The following PREP variants were observed in gnomAD, a reference collection of about 807,000 sequenced individuals.
The protein encoded by PREP is dJ355L5.1 (prolyl endopeptidase).
A neutral mutation model predicts 87.6 loss-of-function variants in PREP; 29 were observed. That is an observed-to-expected ratio of 0.33 (90% CI 0.25 to 0.45). The LOEUF (loss-of-function observed/expected upper bound fraction) is 0.45. Among genes scored for constraint, PREP ranks in the 20% least tolerant of loss-of-function variants. PREP has a pLI of 1.00. For missense variants in PREP, 695 were observed against 886.5 expected, an observed-to-expected ratio of 0.78 and a Z score of 2.74; for synonymous variants, 337 against 328.6, an observed-to-expected ratio of 1.03 and a Z score of -0.28.
intron 6 of PREP, among the ~76,000 whole-genome samples, chr6:105,355,420 C>T (rs1175979789): frequency 6.6e-6 from 1 of 152,182 alleles, no homozygotes; most frequent in Non-Finnish European, 1.5e-5. Flanking sequence ...AAGAAGGCAT[C>T]TTTCCACTGT....
chr6:105,293,862 A>T (rs1029235327), intron 10 of PREP, among the ~76,000 whole-genome samples: 3 of 152,228 alleles, frequency 2.0e-5, no homozygotes, highest in Admixed American at 2.0e-4. Flanking sequence ...CGAAACAGCC[A>T]TTCAAAACAG....
chr6:105,308,857 G>A (rs1562194419), intron 10 of PREP, among the ~76,000 whole-genome samples: 1 of 152,150 alleles, frequency 6.6e-6, no homozygotes, highest in Admixed American at 6.5e-5. Flanking sequence ...TCTAATGTCA[G>A]CTGGTGATGA....
chr6:105,364,143 G>T (rs1185051610), intron 6 of PREP, among the ~76,000 whole-genome samples: 2 of 152,186 alleles, frequency 1.3e-5, no homozygotes, highest in East Asian at 3.9e-4. Flanking sequence ...ACTTGAGCTG[G>T]GTAGAGGGCG....
rs1772296722 is a variant in PREP at position 105,363,108 on chromosome 6, G to C, written c.717+5795C>G. ...GTTCACAGGTGAACATATAAAAATGGCTTATGGAGACACAACAGATACTAA... is the reference window on the plus strand; with the variant it reads ...GTTCACAGGTGAACATATAAAAATGCCTTATGGAGACACAACAGATACTAA... On this transcript the variant is annotated intron_variant, in intron 6 of 14. Transcript: ENST00000652536. Among the ~76,000 whole-genome samples the C allele has an allele frequency of 3.3e-5, 5 of 152,110 alleles. No homozygotes were observed. The South Asian group carries it at 1.0e-3, about 32-fold the overall frequency.
chr6:105,317,131 A>AT (rs908590754), intron 10 of PREP, among the ~76,000 whole-genome samples: 17 of 151,578 alleles, frequency 1.1e-4, no homozygotes, highest in African/African-American at 3.9e-4. Flanking sequence ...AAATATATAT[A>AT]TTTTTTTGTA....
At chr6:105,362,905 T>TAG (rs1772291414) in intron 6 of PREP, among the ~76,000 whole-genome samples, 1 of 152,164 alleles carries the variant, frequency 6.6e-6, no homozygotes, top group Admixed American at 6.5e-5. Context: ...CCACTGGACT[T>TAG]TTCTGTGTCT....
At chr6:105,340,175 C>T (rs1771601535) in intron 7 of PREP, among the ~76,000 whole-genome samples, 1 of 152,178 alleles carries the variant, frequency 6.6e-6, no homozygotes, top group Non-Finnish European at 1.5e-5. Context: ...GGAAGCCCAT[C>T]AGACTAAAAG....
chr6:105,379,691 GGGTA>G (rs1345250131), intron 2 of PREP, among the ~76,000 whole-genome samples: 3 of 152,302 alleles, frequency 2.0e-5, no homozygotes, highest in Non-Finnish European at 2.9e-5. Flanking sequence ...GGGCTGTGCT[GGGTA>G]GGAACATCAG....
chr6:105,282,337 T>A, intron 13 of PREP, 114 bp downstream of exon 13: 3 of 1,306,970 alleles, frequency 2.3e-6, no homozygotes, highest in Non-Finnish European at 3.2e-6. Flanking sequence ...GCTCTCCTTA[T>A]ACCACTTTGT....
intron 9 of PREP, among the ~76,000 whole-genome samples, chr6:105,327,135 A>C (rs1430450391): frequency 2.0e-5 from 3 of 152,174 alleles, no homozygotes; most frequent in East Asian, 3.8e-4. Flanking sequence ...TTATCCATTT[A>C]AACTATTTAA....
intron 10 of PREP, among the ~76,000 whole-genome samples, chr6:105,321,419 G>A (rs1771003794): frequency 6.6e-6 from 1 of 152,230 alleles, no homozygotes; most frequent in South Asian, 2.1e-4. Flanking sequence ...CAGTGCCACA[G>A]GCACCTGGCA....
intron 4 of PREP, among the ~76,000 whole-genome samples, chr6:105,374,165 A>C (rs1483947164): frequency 1.3e-5 from 2 of 152,180 alleles, no homozygotes; most frequent in African/African-American, 4.8e-5. Flanking sequence ...AGGCGCCCGG[A>C]GTGCACATTC....
At chr6:105,283,984 AG>A (rs377621104) in intron 12 of PREP, among the ~76,000 whole-genome samples, 136 of 152,298 alleles carry the variant, frequency 8.9e-4, no homozygotes, top group African/African-American at 3.2e-3. Flanking sequence ...GACCATGAGT[AG>A]GGGGTATGGT....
intron 10 of PREP, chr6:105,322,983 G>A: frequency 7.7e-7 from 1 of 1,301,038 alleles, no homozygotes; most frequent in Non-Finnish European, 1.0e-6. Flanking sequence ...AGCCCTCCAG[G>A]TGGGAGGGGC....
chr6:105,387,310 C>A (rs1015528307), intron 2 of PREP, among the ~76,000 whole-genome samples: 2 of 152,066 alleles, frequency 1.3e-5, no homozygotes, highest in African/African-American at 4.8e-5. Flanking sequence ...CCAAAAATAC[C>A]GTATCTGATG....
chr6:105,342,700 T>C (rs1242839634), intron 7 of PREP, among the ~76,000 whole-genome samples: 1 of 152,072 alleles, frequency 6.6e-6, no homozygotes, highest in African/African-American at 2.4e-5. Context: ...GGATACAAAG[T>C]CAGTGTGCAA....
chr6:105,392,780 T>A (rs1477052478), intron 2 of PREP, among the ~76,000 whole-genome samples: 4 of 152,176 alleles, frequency 2.6e-5, no homozygotes, highest in African/African-American at 9.6e-5. Context: ...TTTTGTCATG[T>A]TGGCTAGGCT....
Position 105,276,542 on chromosome 6 carries a change from G to C in PREP, c.*1602C>G, listed in dbSNP as rs1329287981. ...TCTTTCTTTCCTGCCATGCTGGTCA[G>C]CAGTTACACCAAAGCTAGCTAGTAT... On this transcript the variant is annotated 3_prime_UTR_variant, in exon 15 of 15. Coordinates refer to ENST00000652536, the MANE Select transcript of PREP (RefSeq NM_002726.5). 1.3e-5 allele frequency among the ~76,000 whole-genome samples: 2 copies of C among 152,224 alleles called. No homozygotes were observed. The highest frequency in any genetic ancestry group is 2.9e-5 in the Non-Finnish European group (2 of 68,044).
At chr6:105,377,607 C>T in intron 2 of PREP, 88 bp from the exon 3 acceptor site, 1 of 1,402,354 alleles carries the variant, frequency 7.1e-7, no homozygotes. Flanking sequence ...AGAAAAAGCA[C>T]ACTTTGTCTC....
Sources: gnomAD v4.1 joint callset for allele counts (sites outside exome capture counted in the v4.1 genomes callset) on GRCh38, gnomAD v4.1.1 for gene constraint, MANE v1.5 for transcripts, NCBI Gene and HGNC (gene_info 2026-07-23, HGNC 2026-07-21) for gene names.